The following ADAMTSL1 variants were observed in gnomAD, a reference collection of about 807,000 sequenced individuals.
The protein encoded by ADAMTSL1 is ADAMTS-like protein 1.
ADAMTSL1 carries 126 observed loss-of-function variants against 201.8 expected under a neutral mutation model. The observed-to-expected ratio is 0.62, with a 90% CI of 0.54 to 0.72. The LOEUF (loss-of-function observed/expected upper bound fraction) is 0.72, where lower values mean the gene tolerates loss of function less well. Ranked by LOEUF, ADAMTSL1 falls within the 30% of genes least tolerant of loss-of-function variation. The pLI, the probability that ADAMTSL1 is intolerant of heterozygous loss-of-function variation, is 0.00. For synonymous variants in ADAMTSL1, 1,121 were observed against 903.4 expected, an observed-to-expected ratio of 1.24 and a Z score of -4.32; for missense variants, 2,679 against 2,277.8, an observed-to-expected ratio of 1.18 and a Z score of -3.59.
Position 18,777,681 on chromosome 9 carries a change from G to A in ADAMTSL1, c.3452G>A (p.Gly1151Glu). The A allele has an allele frequency of 6.2e-7, 1 of 1,613,414 alleles. No individual in the cohort carries two copies. Among genetic ancestry groups the A allele is most frequent in the African/African-American group, 1.3e-5 (1 of 75,062 alleles). Residue 1151 changes from glycine (G) to glutamate (E), a missense_variant, in exon 19 of 29, where the codon GGG (glycine) becomes GAG (glutamate). Coordinates refer to ENST00000380548, the MANE Select transcript of ADAMTSL1 (RefSeq NM_001040272.6). ...AGCTCCCTGCGGACCTCCTCCACCG[G>A]GGACGCCGGGGGAGGCTCTCGAAGG... ...FSSSLRTSST[G>E]DAGGGSRRPH...
chr9:17,911,415 G>A (rs1825898727), intron 1 of ADAMTSL1, among the ~76,000 whole-genome samples: 1 of 68,470 alleles, frequency 1.5e-5, no homozygotes, highest in Admixed American at 1.8e-4. Flanking sequence ...ACTGTAAAAC[G>A]AAGAAGGCTG....
chr9:18,693,648 C>T (rs1363942138), intron 13 of ADAMTSL1, among the ~76,000 whole-genome samples: 1 of 152,186 alleles, frequency 6.6e-6, no homozygotes, highest in Non-Finnish European at 1.5e-5. Context: ...CCAAGTCAAT[C>T]ATAATATTAA....
intron 1 of ADAMTSL1, among the ~76,000 whole-genome samples, chr9:18,129,868 C>G (rs1454160773): frequency 6.6e-6 from 1 of 152,096 alleles, no homozygotes; most frequent in Non-Finnish European, 1.5e-5. Context: ...CCCTTGTTCC[C>G]CAGGGAAACA....
intron 1 of ADAMTSL1, among the ~76,000 whole-genome samples, chr9:17,982,515 G>A (rs1400671035): frequency 6.6e-6 from 1 of 152,138 alleles, no homozygotes; most frequent in African/African-American, 2.4e-5. Flanking sequence ...AGGAGGCTGA[G>A]GCAGGAGAAT....
Position 18,620,021 on chromosome 9 carries a change from T to A in ADAMTSL1, c.475-2222T>A, listed in dbSNP as rs1363590650. Among the ~76,000 whole-genome samples the A allele has an allele frequency of 7.4e-3, 914 of 123,784 alleles. 6 individuals carry two copies. The highest frequency in any genetic ancestry group is 0.023 in the African/African-American group (861 of 36,666). 81.2% of individuals were successfully genotyped at this position (123,784 alleles called of 152,430 possible). The stretch of plus-strand genomic sequence containing the variant: ...TTAGGTTATCAGTTTTCTGATTTTT[T>A]TTTTTTTTTTTTTTTTTGGCCAACT... On this transcript the variant is annotated intron_variant, in intron 4 of 28. Coordinates refer to ENST00000380548, the MANE Select transcript of ADAMTSL1 (RefSeq NM_001040272.6).
intron 21 of ADAMTSL1, among the ~76,000 whole-genome samples, chr9:18,819,972 G>A (rs567652652): frequency 5.8e-4 from 88 of 152,320 alleles, no homozygotes; most frequent in Middle Eastern, 3.4e-3. Flanking sequence ...CAGCTCTTAA[G>A]GCTCTTTCCT....
intron 4 of ADAMTSL1, among the ~76,000 whole-genome samples, chr9:18,614,130 C>T (rs975104716): frequency 2.0e-5 from 3 of 152,098 alleles, no homozygotes; most frequent in Non-Finnish European, 2.9e-5. Flanking sequence ...GAAGTGAGGT[C>T]AGAGAGGTCG....
intron 3 of ADAMTSL1, among the ~76,000 whole-genome samples, chr9:18,562,665 G>C (rs1268611514): frequency 1.3e-5 from 2 of 152,106 alleles, no homozygotes; most frequent in Admixed American, 1.3e-4. Flanking sequence ...TCAAACATAG[G>C]TTTGGTCTTT....
At chr9:18,656,360 G>A (rs946516698) in intron 7 of ADAMTSL1, among the ~76,000 whole-genome samples, 1 of 152,054 alleles carries the variant, frequency 6.6e-6, no homozygotes, top group Admixed American at 6.6e-5. Flanking sequence ...GGCCAGGCAC[G>A]GTGGCTCACG....
intron 2 of ADAMTSL1, among the ~76,000 whole-genome samples, chr9:18,332,144 CAATAT>C (rs1835054285): frequency 6.6e-6 from 1 of 152,116 alleles, no homozygotes; most frequent in Non-Finnish European, 1.5e-5. Flanking sequence ...AGCCCAAAGT[CAATAT>C]ATTATATAAC....
intron 1 of ADAMTSL1, among the ~76,000 whole-genome samples, chr9:18,162,151 A>G (rs758438222): frequency 6.6e-6 from 1 of 152,044 alleles, no homozygotes; most frequent in Non-Finnish European, 1.5e-5. Flanking sequence ...GTTCTCATCT[A>G]GGACTGGGGT....
At chr9:18,556,538 T>C (rs1013499369) in intron 3 of ADAMTSL1, among the ~76,000 whole-genome samples, 2 of 152,102 alleles carry the variant, frequency 1.3e-5, no homozygotes, top group East Asian at 3.9e-4. Context: ...TGGAGCCTAA[T>C]ACTATTCAGG....
chr9:18,510,377 G>A lies in ADAMTSL1; in HGVS notation c.191+5421G>A, dbSNP rs1817956779. 2.0e-5 allele frequency among the ~76,000 whole-genome samples: 3 copies of A among 152,108 alleles called. No homozygotes were observed. In the South Asian group the frequency reaches 6.2e-4, roughly 32 times the overall value. Reference sequence around the variant, plus strand: ...GAAGGTTCTAGAAAAAAATTCAATGGAGACAAAGCAGAATGAAAACACAGG... The same window carrying A: ...GAAGGTTCTAGAAAAAAATTCAATGAAGACAAAGCAGAATGAAAACACAGG... On this transcript the variant is annotated intron_variant, in intron 2 of 28. Transcript: ENST00000380548.
At chr9:18,785,315 A>G (rs1821639610) in intron 19 of ADAMTSL1, among the ~76,000 whole-genome samples, 1 of 152,242 alleles carries the variant, frequency 6.6e-6, no homozygotes, top group Non-Finnish European at 1.5e-5. Flanking sequence ...CCCAGCATAA[A>G]TTAACATTCA....
chr9:17,958,621 C>G (rs1447317752), intron 1 of ADAMTSL1, among the ~76,000 whole-genome samples: 1 of 152,134 alleles, frequency 6.6e-6, no homozygotes, highest in Non-Finnish European at 1.5e-5. Context: ...ATTTCTATGG[C>G]ATGGTGTGCT....
chr9:18,154,243 C>T (rs1827047069), intron 1 of ADAMTSL1, among the ~76,000 whole-genome samples: 2 of 152,020 alleles, frequency 1.3e-5, no homozygotes, highest in South Asian at 4.1e-4. Context: ...AATAAACCAA[C>T]CCAAACGTAG....
At chr9:18,175,998 G>A (rs930689704) in intron 2 of ADAMTSL1, among the ~76,000 whole-genome samples, 41 of 107,154 alleles carry the variant, frequency 3.8e-4, no homozygotes, top group African/African-American at 1.4e-3. Flanking sequence ...GGGCTAAGAA[G>A]AGGGAAAGCA....
intron 2 of ADAMTSL1, among the ~76,000 whole-genome samples, chr9:18,248,723 C>A (rs1457804513): frequency 1.3e-5 from 2 of 152,138 alleles, no homozygotes; most frequent in South Asian, 2.1e-4. Flanking sequence ...GGCCATAACC[C>A]TTTTTTGGTC....
chr9:17,928,070 C>A (rs975642017), intron 1 of ADAMTSL1, among the ~76,000 whole-genome samples: 2 of 151,526 alleles, frequency 1.3e-5, no homozygotes, highest in East Asian at 3.9e-4. Flanking sequence ...TCAGGACTCA[C>A]TGCAGCCTCG....
Sources: allele counts gnomAD v4.1 joint callset (sites outside exome capture counted in the v4.1 genomes callset), GRCh38; gene constraint gnomAD v4.1.1; transcripts MANE v1.5; gene names NCBI Gene and HGNC (gene_info 2026-07-23, HGNC 2026-07-21).